The following ADGRL2 variants were observed in gnomAD, a reference collection of about 807,000 sequenced individuals.
ADGRL2 encodes adhesion G protein-coupled receptor L2.
A neutral mutation model predicts 157.4 loss-of-function variants in ADGRL2; 44 were observed. The ratio of observed to expected loss-of-function variants is 0.28; its 90% CI spans 0.22 to 0.36. ADGRL2 has a LOEUF of 0.36. ADGRL2 is among the 10% of genes least tolerant of loss of function. The probability of loss-of-function intolerance (pLI) is 1.00; values close to 1 mark genes in which losing one functional copy is unlikely to be tolerated. For missense variants in ADGRL2, 1,510 were observed against 1,768.9 expected (o/e 0.85, Z 2.63); for synonymous variants, 585 against 624.7 (o/e 0.94, Z 0.95).
At chr1:81,922,930 A>G (rs921538017) in intron 3 of ADGRL2, among the ~76,000 whole-genome samples, 8 of 152,104 alleles carry the variant, frequency 5.3e-5, no homozygotes, top group African/African-American at 1.7e-4. Context: ...CCTGTGATCA[A>G]TTGATCTATC....
At chr1:81,591,191 T>C (rs1335046253) in intron 3 of ADGRL2, among the ~76,000 whole-genome samples, 2 of 152,134 alleles carry the variant, frequency 1.3e-5, no homozygotes, top group African/African-American at 4.8e-5. Context: ...AGCTTTCTCT[T>C]CCAACAAGAG....
chr1:81,737,426 C>T (rs575980566), intron 1 of ADGRL2, among the ~76,000 whole-genome samples: 1 of 152,110 alleles, frequency 6.6e-6, no homozygotes, highest in Non-Finnish European at 1.5e-5. Context: ...CTTGTGAGAA[C>T]TAATTCACCA....
At chr1:81,665,444 A>G (rs2082733414) in intron 3 of ADGRL2, among the ~76,000 whole-genome samples, 1 of 152,142 alleles carries the variant, frequency 6.6e-6, no homozygotes, top group Non-Finnish European at 1.5e-5. Context: ...CAATATAGGC[A>G]ATAAATTCTC....
chr1:81,929,408 A>G (rs182868796), intron 3 of ADGRL2, among the ~76,000 whole-genome samples: 3 of 152,298 alleles, frequency 2.0e-5, no homozygotes, highest in African/African-American at 4.8e-5. Context: ...AGCATATCTA[A>G]TGATCTGCTG....
intron 17 of ADGRL2, among the ~76,000 whole-genome samples, chr1:81,977,583 C>G (rs1397054503): frequency 6.6e-6 from 1 of 151,622 alleles, no homozygotes; most frequent in Non-Finnish European, 1.5e-5. Flanking sequence ...TACTCCTCTT[C>G]TTTTTGCAAT....
chr1:81,613,579 G>C (rs569077152), intron 3 of ADGRL2, among the ~76,000 whole-genome samples: 1 of 131,604 alleles, frequency 7.6e-6, no homozygotes, highest in African/African-American at 2.9e-5. Context: ...CTGAAAAACT[G>C]GGAAGATGGA....
At chr1:81,576,127 C>CAGGT (rs2080793696) in intron 2 of ADGRL2, among the ~76,000 whole-genome samples, 1 of 152,080 alleles carries the variant, frequency 6.6e-6, no homozygotes, top group Non-Finnish European at 1.5e-5. Context: ...CAGGAAAAGA[C>CAGGT]AGGTGCACCC....
intron 1 of ADGRL2, among the ~76,000 whole-genome samples, chr1:81,812,105 A>G (rs1250221015): frequency 4.0e-5 from 6 of 151,800 alleles, no homozygotes; most frequent in Non-Finnish European, 8.9e-5. Flanking sequence ...TAAGGAAGAG[A>G]GAAAAATGCT....
chr1:81,698,351 C>T (rs1285418133), upstream of ADGRL2, among the ~76,000 whole-genome samples: 1 of 152,088 alleles, frequency 6.6e-6, no homozygotes, highest in Non-Finnish European at 1.5e-5. Context: ...TGTATACATC[C>T]TATATATGAA....
chr1:81,653,814 C>T (rs1163440221), intron 3 of ADGRL2, among the ~76,000 whole-genome samples: 1 of 152,048 alleles, frequency 6.6e-6, no homozygotes, highest in Non-Finnish European at 1.5e-5. Context: ...GAGCTCAGAT[C>T]CTGAAAAGAT....
chr1:81,533,276 G>A (rs2079650210), intron 2 of ADGRL2, among the ~76,000 whole-genome samples: 1 of 152,154 alleles, frequency 6.6e-6, no homozygotes, highest in African/African-American at 2.4e-5. Flanking sequence ...CTACTCGGGA[G>A]GCTGAGGCAA....
chr1:81,357,763 T>C (rs545681838), intron 1 of ADGRL2, among the ~76,000 whole-genome samples: 1 of 152,224 alleles, frequency 6.6e-6, no homozygotes, highest in South Asian at 2.1e-4. Context: ...CTACAGCCAA[T>C]AACTAATAAA....
chr1:81,985,061 G>A lies in ADGRL2; in HGVS notation c.3412-198G>A, dbSNP rs544499192. Among the ~76,000 whole-genome samples, 6 of 152,086 alleles carry A rather than the reference G, an allele frequency of 3.9e-5. No homozygotes were observed. The South Asian group carries it at 1.2e-3, about 32-fold the overall frequency. ...ATAAAGTAACATGTTTTTAAGAGTG[G>A]AGGATTAAATGCCCCTTAGTTGCTT... On this transcript the variant is annotated intron_variant, in intron 20 of 23. Coordinates refer to ENST00000686636, the MANE Select transcript of ADGRL2 (RefSeq NM_001366006.2).
At chr1:81,422,968 TA>T (rs1412878448) in intron 1 of ADGRL2, among the ~76,000 whole-genome samples, 2 of 152,220 alleles carry the variant, frequency 1.3e-5, no homozygotes, top group Non-Finnish European at 2.9e-5. Flanking sequence ...ATGCATTTAC[TA>T]AAAAGGCTCC....
chr1:81,810,980 A>G (rs533324585), intron 1 of ADGRL2, among the ~76,000 whole-genome samples: 121 of 151,990 alleles, frequency 8.0e-4, no homozygotes, highest in Non-Finnish European at 1.6e-3. Flanking sequence ...CAATAGATGA[A>G]TAAATAGGAA....
chr1:81,570,652 G>A (rs1229646395), intron 2 of ADGRL2, among the ~76,000 whole-genome samples: 1 of 152,134 alleles, frequency 6.6e-6, no homozygotes, highest in Non-Finnish European at 1.5e-5. Flanking sequence ...GCCTCCCAAA[G>A]TACTGAGATT....
At chr1:81,662,444 C>T (rs1294675959) in intron 3 of ADGRL2, among the ~76,000 whole-genome samples, 6 of 151,766 alleles carry the variant, frequency 4.0e-5, no homozygotes, top group Non-Finnish European at 7.4e-5. Context: ...TTAGTGGAGA[C>T]GGGGTTTCAC....
At chr1:81,683,344 T>G (rs772245978) in intron 3 of ADGRL2, among the ~76,000 whole-genome samples, 10 of 152,168 alleles carry the variant, frequency 6.6e-5, no homozygotes, top group Non-Finnish European at 7.3e-5. Flanking sequence ...ATATTTGGTT[T>G]CATGAGTAAG....
chr1:81,390,989 A>G (rs1021267979), intron 1 of ADGRL2, among the ~76,000 whole-genome samples: 38 of 152,414 alleles, frequency 2.5e-4, no homozygotes, highest in African/African-American at 8.9e-4. Context: ...TTCAAATACA[A>G]ACACTCATGG....
Sources: allele counts gnomAD v4.1 joint callset (sites outside exome capture counted in the v4.1 genomes callset), GRCh38; gene constraint gnomAD v4.1.1; transcripts MANE v1.5; gene names NCBI Gene and HGNC (gene_info 2026-07-23, HGNC 2026-07-21).